The following KIAA1217 variants were observed in gnomAD, a reference collection of about 807,000 sequenced individuals.
KIAA1217 encodes the protein KIAA1217, also known as sickle tail protein homolog.
KIAA1217 carries 88 observed loss-of-function variants against 163.9 expected under a neutral mutation model. The observed-to-expected ratio is 0.54, with a 90% confidence interval of 0.45 to 0.64. The LOEUF (loss-of-function observed/expected upper bound fraction) is 0.64. Ranked by LOEUF, KIAA1217 falls within the 30% of genes least tolerant of loss-of-function variation. The pLI is 0.00. For synonymous variants in KIAA1217, 903 were observed against 923.1 expected, an observed-to-expected ratio of 0.98 and a Z score of 0.39; for missense variants, 2,372 against 2,475.0, an observed-to-expected ratio of 0.96 and a Z score of 0.88.
intron 1 of KIAA1217, among the ~76,000 whole-genome samples, chr10:23,906,120 T>A (rs1842151534): frequency 6.6e-6 from 1 of 152,020 alleles, no homozygotes; most frequent in African/African-American, 2.4e-5. Context: ...ATTAATCATA[T>A]CCATGAGGGC....
chr10:23,716,030 G>A (rs892156744), intron 1 of KIAA1217, among the ~76,000 whole-genome samples: 6 of 152,156 alleles, frequency 3.9e-5, no homozygotes, highest in African/African-American at 1.2e-4. Context: ...GCATGTTTCA[G>A]TCTTGAAAGG....
At chr10:23,783,046 A>T (rs976276046) in intron 1 of KIAA1217, among the ~76,000 whole-genome samples, 2 of 152,224 alleles carry the variant, frequency 1.3e-5, no homozygotes, top group Admixed American at 1.3e-4. Flanking sequence ...ATCAAGAAAG[A>T]ATGTGGAATT....
chr10:23,752,292 T>C (rs1388085597), intron 1 of KIAA1217, among the ~76,000 whole-genome samples: 1 of 152,206 alleles, frequency 6.6e-6, no homozygotes, highest in African/African-American at 2.4e-5. Context: ...TTTTGTCTCT[T>C]TTTGTTTTGG....
chr10:23,955,179 C>A (rs538468449), intron 1 of KIAA1217, among the ~76,000 whole-genome samples: 4 of 152,152 alleles, frequency 2.6e-5, no homozygotes, highest in African/African-American at 4.8e-5. Context: ...AGGGGGTAAG[C>A]GGCAGAGCAT....
intron 1 of KIAA1217, among the ~76,000 whole-genome samples, chr10:23,832,938 G>C (rs1838280354): frequency 6.6e-6 from 1 of 152,056 alleles, no homozygotes; most frequent in African/African-American, 2.4e-5. Flanking sequence ...CCGATCTCAT[G>C]AGACTTATTC....
intron 2 of KIAA1217, among the ~76,000 whole-genome samples, chr10:24,049,475 G>A (rs1299552440): frequency 6.6e-6 from 1 of 152,046 alleles, no homozygotes; most frequent in Non-Finnish European, 1.5e-5. Context: ...TGTTACATAG[G>A]TATAGACATG....
intron 1 of KIAA1217, among the ~76,000 whole-genome samples, chr10:23,868,251 T>C (rs928611718): frequency 3.3e-5 from 5 of 152,106 alleles, no homozygotes; most frequent in African/African-American, 1.2e-4. Flanking sequence ...TGGTTTTCTT[T>C]GCTTCCAGGA....
intron 1 of KIAA1217, among the ~76,000 whole-genome samples, chr10:23,907,845 C>CTT (rs1842235350): frequency 6.6e-6 from 1 of 152,072 alleles, no homozygotes; most frequent in Admixed American, 6.5e-5. Context: ...TGTGCCTGCT[C>CTT]CTCTTCTAGG....
chr10:24,002,526 G>T (rs1846792887), intron 1 of KIAA1217, among the ~76,000 whole-genome samples: 1 of 152,148 alleles, frequency 6.6e-6, no homozygotes, highest in Admixed American at 6.5e-5. Flanking sequence ...GGGGACCTCT[G>T]CTCCATCCGA....
intron 7 of KIAA1217, 46 bp from the exon 8 acceptor site, chr10:24,495,100 AG>A: frequency 2.7e-6 from 4 of 1,471,264 alleles, no homozygotes; most frequent in Admixed American, 2.1e-5. Context: ...AAAAAAAAAA[AG>A]GCATTTTGGA....
intron 1 of KIAA1217, among the ~76,000 whole-genome samples, chr10:24,215,074 C>T (rs2068643739): frequency 6.6e-6 from 1 of 152,242 alleles, no homozygotes; most frequent in Non-Finnish European, 1.5e-5. Flanking sequence ...GTGTCTGCCC[C>T]AGCCCCTACT....
At chr10:24,537,577 CAAA>C (rs72185665) in intron 17 of KIAA1217, among the ~76,000 whole-genome samples, 4 of 119,132 alleles carry the variant, frequency 3.4e-5, no homozygotes, top group Non-Finnish European at 5.4e-5. Context: ...AACTCTGTCT[CAAA>C]AAAAAAAAAA....
At chr10:24,508,780 AAAT>A (rs2068704822) in intron 9 of KIAA1217, among the ~76,000 whole-genome samples, 1 of 152,236 alleles carries the variant, frequency 6.6e-6, no homozygotes. Context: ...ATTCTGAACA[AAAT>A]AAGCTGGACA....
intron 2 of KIAA1217, among the ~76,000 whole-genome samples, chr10:24,114,170 G>A (rs1441324090): frequency 2.0e-5 from 3 of 152,136 alleles, no homozygotes; most frequent in African/African-American, 7.2e-5. Context: ...TGGCTGCAAG[G>A]GAGTCTGAGG....
chr10:23,747,284 G>A (rs1839463955), intron 1 of KIAA1217, among the ~76,000 whole-genome samples: 1 of 152,196 alleles, frequency 6.6e-6, no homozygotes, highest in Admixed American at 6.5e-5. Flanking sequence ...TAATGAAGAT[G>A]TCCAGGGAAG....
rs1347567346 is a variant in KIAA1217 at position 24,524,753 on chromosome 10, G to A, written c.2887G>A (p.Val963Met). The change falls in exon 13 of 21, where the codon GTG (valine) becomes ATG (methionine). Residue 963 changes from valine to methionine, a missense_variant. Val to Met is a conservative substitution (Grantham distance 21). Around this residue, in one of 3 missense-constraint regions of KIAA1217, gnomAD observed 1,431 missense variants for 1,470.3 expected, o/e 0.97. Coordinates refer to ENST00000376454, the MANE Select transcript of KIAA1217 (RefSeq NM_019590.5). ...CAGTGTGAGTGCCAAGAACAGGGCA[G>A]TGTCTATCGAGGTAGAGTCCTATTT... ...IHSVSAKNRA[V>M]SIEKAEKKWE... is the part of the protein sequence containing the mutation. The A allele has an allele frequency of 6.3e-7, 1 of 1,593,184 alleles. No individual in the cohort carries two copies. Among genetic ancestry groups the A allele is most frequent in the Non-Finnish European group, 8.6e-7 (1 of 1,165,396 alleles).
intron 16 of KIAA1217, 78 bp from the exon 17 acceptor site, chr10:24,536,696 T>C: frequency 6.7e-7 from 1 of 1,501,302 alleles, no homozygotes; most frequent in African/African-American, 1.4e-5. Context: ...CACAAGCGTC[T>C]GGTTGTTCCT....
At chr10:24,118,864 T>TAGAA (rs2063167139) in intron 2 of KIAA1217, among the ~76,000 whole-genome samples, 1 of 152,174 alleles carries the variant, frequency 6.6e-6, no homozygotes, top group Non-Finnish European at 1.5e-5. Flanking sequence ...TCAGTCTTTC[T>TAGAA]TTTTGAGCAA....
chr10:24,233,727 C>G (rs2071778918), intron 2 of KIAA1217, among the ~76,000 whole-genome samples: 2 of 152,178 alleles, frequency 1.3e-5, no homozygotes, highest in Non-Finnish European at 2.9e-5. Context: ...CATAGATATT[C>G]ATGGACATTT....
Sources: allele counts gnomAD v4.1 joint callset (sites outside exome capture counted in the v4.1 genomes callset), GRCh38; gene constraint gnomAD v4.1.1; regional missense constraint gnomAD v4.1.1; transcripts MANE v1.5; gene names NCBI Gene and HGNC (gene_info 2026-07-23, HGNC 2026-07-21).